The following RERE variants were observed in gnomAD, a reference collection of about 807,000 sequenced individuals.
RERE encodes arginine-glutamic acid dipeptide repeats, also known as arginine-glutamic acid dipeptide repeats protein.
A neutral mutation model predicts 146.1 loss-of-function variants in RERE; 40 were observed. That is an observed-to-expected ratio of 0.27 (90% CI 0.21 to 0.36). The LOEUF is 0.36. Among genes scored for constraint, RERE ranks in the 10% least tolerant of loss-of-function variants. RERE has a pLI of 1.00. For synonymous variants in RERE, 1,003 were observed against 866.0 expected (o/e 1.16, Z -2.78); for missense variants, 1,933 against 2,138.7 (o/e 0.90, Z 1.90).
chr1:8,614,226 T>C (rs550505661), intron 4 of RERE, among the ~76,000 whole-genome samples: 6 of 152,294 alleles, frequency 3.9e-5, no homozygotes, highest in South Asian at 4.1e-4. Flanking sequence ...CATTCCACAC[T>C]TGAGCTCAAA....
At chr1:8,776,093 T>C (rs1008362782) in intron 1 of RERE, among the ~76,000 whole-genome samples, 5 of 152,364 alleles carry the variant, frequency 3.3e-5, no homozygotes, top group African/African-American at 7.2e-5. Flanking sequence ...AACACCAAAT[T>C]AGTACATCGC....
intron 4 of RERE, among the ~76,000 whole-genome samples, chr1:8,588,857 C>G (rs1189203065): frequency 6.6e-6 from 1 of 152,176 alleles, no homozygotes; most frequent in African/African-American, 2.4e-5. Context: ...GGCACAGTGG[C>G]TCATGCCTGT....
At chr1:8,396,463 A>ATT (rs1170984047) in intron 12 of RERE, among the ~76,000 whole-genome samples, 1 of 152,290 alleles carries the variant, frequency 6.6e-6, no homozygotes, top group East Asian at 1.9e-4. Flanking sequence ...GAGTGATGGA[A>ATT]TTTGGGAAGA....
At chr1:8,514,325 C>T (rs1645382227) in intron 7 of RERE, among the ~76,000 whole-genome samples, 1 of 152,228 alleles carries the variant, frequency 6.6e-6, no homozygotes, top group Non-Finnish European at 1.5e-5. Flanking sequence ...TGGCTAGCTT[C>T]GCTTCTAACT....
At chr1:8,788,040 G>A (rs1488626191) in intron 1 of RERE, among the ~76,000 whole-genome samples, 1 of 152,118 alleles carries the variant, frequency 6.6e-6, no homozygotes, top group East Asian at 1.9e-4. Flanking sequence ...CAAGGCTGCA[G>A]TTAGCCATGA....
chr1:8,632,209 A>T (rs77281479), intron 2 of RERE, among the ~76,000 whole-genome samples: 5,636 of 152,318 alleles, frequency 0.037, 338 homozygotes, highest in African/African-American at 0.13. Flanking sequence ...TTATAGGAAA[A>T]CATCATCAGT....
chr1:8,399,444 G>C (rs1251926401), intron 12 of RERE, among the ~76,000 whole-genome samples: 2 of 152,046 alleles, frequency 1.3e-5, no homozygotes, highest in African/African-American at 4.8e-5. Context: ...TGAATAATTG[G>C]TTAGTTCCCC....
chr1:8,468,780 C>T (rs902627389), intron 10 of RERE, among the ~76,000 whole-genome samples: 2 of 151,880 alleles, frequency 1.3e-5, no homozygotes, highest in African/African-American at 4.8e-5. Flanking sequence ...AGCTGCAGTC[C>T]CAGCTACTCA....
chr1:8,687,582 A>G (rs898962021), intron 1 of RERE, among the ~76,000 whole-genome samples: 2 of 152,214 alleles, frequency 1.3e-5, no homozygotes, highest in African/African-American at 4.8e-5. Flanking sequence ...ATTCTCTAAC[A>G]AACTGCTGAA....
chr1:8,541,131 C>G, intron 7 of RERE, 83 bp downstream of exon 7: 1 of 694,378 alleles, frequency 1.4e-6, no homozygotes, highest in Middle Eastern at 2.6e-4. Flanking sequence ...GAAGCATAAA[C>G]TACACACACA....
At position 8,742,903 on chromosome 1, in the gene RERE, T is replaced by G. The variant is rs187108672; in HGVS notation, c.-145+74257A>C. Reference sequence around the variant, plus strand: ...AAAAAAAAAGTATAATCTTGAAGATTTAAGCTTTTTTGTTGTTATTGCTTA... The same window carrying G: ...AAAAAAAAAGTATAATCTTGAAGATGTAAGCTTTTTTGTTGTTATTGCTTA... On this transcript the variant is annotated intron_variant, in intron 1 of 22. Transcript: ENST00000400908. Among the ~76,000 whole-genome samples, 412 of 152,026 alleles carry G rather than the reference T, an allele frequency of 2.7e-3. 3 individuals are homozygous for G. Among genetic ancestry groups the G allele is most frequent in the African/African-American group, 9.5e-3 (392 of 41,454 alleles).
chr1:8,482,681 CAAAAAAAAAAAA>C lies in RERE; in HGVS notation c.1104+12370_1104+12381del, dbSNP rs35501735. On this transcript the variant is annotated intron_variant, in intron 10 of 22. Coordinates refer to ENST00000400908, the MANE Select transcript of RERE (RefSeq NM_001042681.2). Reference sequence around the variant, plus strand: ...TGGGCAACAGAGTGAGATTCTGTTGCAAAAAAAAAAAAAAAAAAAAAAAAAAGACAAAAATTA... The same window carrying C: ...TGGGCAACAGAGTGAGATTCTGTTGCAAAAAAAAAAAAAAGACAAAAATTA... 1.8e-3 allele frequency among the ~76,000 whole-genome samples: 94 copies of C among 51,234 alleles called. 1 individual carries two copies. The highest frequency in any genetic ancestry group is 1.4e-3 in the Non-Finnish European group (31 of 22,864). The allele number at this position is 51,234 out of a possible 152,430, so 33.6% of individuals were successfully genotyped here. A position where few individuals can be genotyped will look rare whatever the true frequency, so the allele number is the denominator to read the frequency against.
chr1:8,750,964 T>A, intron 1 of RERE: 1 of 706,112 alleles, frequency 1.4e-6, no homozygotes, highest in Non-Finnish European at 2.6e-6. Flanking sequence ...TATCTCTTGG[T>A]AAATATGGCA....
intron 1 of RERE, chr1:8,805,729 A>T (rs1265664814): frequency 6.6e-6 from 1 of 151,320 alleles, no homozygotes; most frequent in Non-Finnish European, 1.5e-5. Flanking sequence ...CAGAAGGCTG[A>T]GGCAGGAGAA....
intron 1 of RERE, chr1:8,786,475 T>C (rs749918041): frequency 4.6e-6 from 4 of 864,086 alleles, no homozygotes; most frequent in Admixed American, 1.7e-5. Flanking sequence ...ACCACGCTTG[T>C]AGATTAGTTC....
At chr1:8,373,952 C>A (rs17380817) in intron 12 of RERE, among the ~76,000 whole-genome samples, 8 of 152,176 alleles carry the variant, frequency 5.3e-5, no homozygotes, top group African/African-American at 1.9e-4. Flanking sequence ...GTTAACCAAC[C>A]GAATCCTCTA....
At chr1:8,595,405 T>TA (rs1180263980) in intron 4 of RERE, among the ~76,000 whole-genome samples, 1 of 151,942 alleles carries the variant, frequency 6.6e-6, no homozygotes, top group African/African-American at 2.4e-5. Context: ...GTTACAACAT[T>TA]AAAAAAAGTA....
intron 1 of RERE, among the ~76,000 whole-genome samples, chr1:8,809,981 G>T (rs1244690037): frequency 6.6e-6 from 1 of 151,308 alleles, no homozygotes; most frequent in Non-Finnish European, 1.5e-5. Context: ...AGCACAGTTT[G>T]TTGTTTTTGT....
intron 1 of RERE, among the ~76,000 whole-genome samples, chr1:8,659,990 CA>C (rs918831941): frequency 6.6e-6 from 1 of 151,920 alleles, no homozygotes; most frequent in Non-Finnish European, 1.5e-5. Context: ...TTTATAAAAT[CA>C]ATGTTCTGAT....
Sources: allele counts gnomAD v4.1 joint callset (sites outside exome capture counted in the v4.1 genomes callset), GRCh38; gene constraint gnomAD v4.1.1; transcripts MANE v1.5; gene names NCBI Gene and HGNC (gene_info 2026-07-23, HGNC 2026-07-21).